Variants in USP43 observed in about 807,000 individuals in gnomAD.
The protein encoded by USP43 is ubiquitin carboxyl-terminal hydrolase 43.
A neutral mutation model predicts 90.7 loss-of-function variants in USP43; 33 were observed. That is an observed-to-expected ratio of 0.36 (90% CI 0.28 to 0.49). USP43 has a LOEUF of 0.49. Among genes scored for constraint, USP43 ranks in the 20% least tolerant of loss-of-function variants. USP43 has a pLI of 0.98. For synonymous variants in USP43, 598 were observed against 615.8 expected, an observed-to-expected ratio of 0.97 and a Z score of 0.43; for missense variants, 1,274 against 1,476.4, an observed-to-expected ratio of 0.86 and a Z score of 2.25.
Position 9,665,010 on chromosome 17 carries a change from C to T in USP43, c.637-1638C>T, listed in dbSNP as rs547776402. 1.6e-4 allele frequency among the ~76,000 whole-genome samples: 24 copies of T among 152,224 alleles called. 1 individual carries two copies. The highest frequency in any genetic ancestry group is 3.4e-3 in the Middle Eastern group (1 of 294). On this transcript the variant is annotated intron_variant, in intron 2 of 14. Transcript: ENST00000285199. ...GAGTGGCTTTGATTCTGGGATTGCC[C>T]TTAGGGACAGACCTCTTCCAGGGCA...
At chr17:9,687,004 T>C in intron 8 of USP43, 95 bp downstream of exon 8, 3 of 1,099,572 alleles carry the variant, frequency 2.7e-6, no homozygotes, top group Non-Finnish European at 4.0e-6. Flanking sequence ...GAATTTAGTG[T>C]AGCCCAGGAG....
chr17:9,681,266 G>T (rs1427949736), intron 6 of USP43, among the ~76,000 whole-genome samples: 30 of 89,756 alleles, frequency 3.3e-4, no homozygotes, highest in African/African-American at 1.3e-3. Context: ...TAATATATTT[G>T]ATATATATTT....
chr17:9,681,811 A>C (rs1045110921), intron 6 of USP43, among the ~76,000 whole-genome samples: 2 of 152,022 alleles, frequency 1.3e-5, no homozygotes, highest in African/African-American at 4.8e-5. Flanking sequence ...CCATATTTAA[A>C]GGACCCTGTG....
chr17:9,676,940 C>T, intron 5 of USP43, 59 bp downstream of exon 5: 1 of 1,572,592 alleles, frequency 6.4e-7, no homozygotes, highest in South Asian at 1.2e-5. Context: ...ACTGAGCCAG[C>T]TGTCTAGGCT....
At chr17:9,727,913 TA>T (rs1917353850) in intron 14 of USP43, 40 bp from the exon 15 acceptor site, 1 of 1,556,782 alleles carries the variant, frequency 6.4e-7, no homozygotes. Flanking sequence ...ATTTCAGCTG[TA>T]GGGTGGCTTG....
intron 9 of USP43, 55 bp downstream of exon 9, chr17:9,693,285 G>A: frequency 7.1e-7 from 1 of 1,408,460 alleles, no homozygotes; most frequent in Non-Finnish European, 9.9e-7. Context: ...TATTTTACCA[G>A]AGTCCTTTGA....
intron 2 of USP43, among the ~76,000 whole-genome samples, chr17:9,656,792 A>G (rs766421398): frequency 2.6e-5 from 4 of 152,244 alleles, no homozygotes; most frequent in Non-Finnish European, 5.9e-5. Flanking sequence ...GGCTCAAAAT[A>G]AGAAAAGTCT....
intron 14 of USP43, among the ~76,000 whole-genome samples, chr17:9,715,866 T>C (rs1916524248): frequency 2.0e-5 from 3 of 151,802 alleles, no homozygotes; most frequent in Admixed American, 2.0e-4. Context: ...TGTGTGTGTC[T>C]CTGTGTATCT....
intron 12 of USP43, among the ~76,000 whole-genome samples, chr17:9,702,198 CA>C (rs956217393): frequency 1.4e-5 from 2 of 146,702 alleles, no homozygotes; most frequent in African/African-American, 2.5e-5. Context: ...CCCGTCTCTA[CA>C]AAAAAAATGA....
At chr17:9,699,218 G>A (rs1167357760) in intron 9 of USP43, among the ~76,000 whole-genome samples, 1 of 152,180 alleles carries the variant, frequency 6.6e-6, no homozygotes, top group Non-Finnish European at 1.5e-5. Context: ...CTCCTCCTTT[G>A]GAAGGAGTGA....
At chr17:9,697,073 C>T (rs1915312093) in intron 9 of USP43, among the ~76,000 whole-genome samples, 1 of 152,140 alleles carries the variant, frequency 6.6e-6, no homozygotes, top group Non-Finnish European at 1.5e-5. Context: ...AAAAATTAGC[C>T]AGGCATGGTG....
In USP43 at chr17:9,728,880, TC is replaced by T; in HGVS notation, c.3263del (p.Ser1088TyrfsTer25). 1 of 1,613,944 alleles carries T rather than the reference TC, an allele frequency of 6.2e-7. No homozygotes were observed. On this transcript the variant is annotated frameshift_variant, in exon 15 of 15. Transcript: ENST00000285199. LOFTEE classifies it high-confidence loss of function. This position sits in a 1 kb window ranked among gnomAD's most constrained non-coding sequence, Gnocchi z 6.2. ...RAPRGSALGM[S>X]QRTVPGEQAS... Reference sequence around the variant, plus strand: ...CCCGAGAGGCAGTGCACTGGGCATGTCACAAAGGACTGTTCCAGGGGAGCAG... The same window carrying T: ...CCCGAGAGGCAGTGCACTGGGCATGTACAAAGGACTGTTCCAGGGGAGCAG...
chr17:9,655,574 A>G (rs544419419), intron 1 of USP43, among the ~76,000 whole-genome samples: 7 of 152,212 alleles, frequency 4.6e-5, no homozygotes, highest in Non-Finnish European at 7.3e-5. Context: ...ACACAATTTA[A>G]CAGAAGGACA....
intron 6 of USP43, among the ~76,000 whole-genome samples, chr17:9,681,213 CAT>C (rs1914198994): frequency 3.5e-4 from 17 of 48,814 alleles, no homozygotes; most frequent in African/African-American, 2.3e-3. Context: ...ATAATATATA[CAT>C]TATATAGAAT....
At position 9,727,676 on chromosome 17, in the gene USP43, G is replaced by A. The variant is rs76419991; in HGVS notation, c.2336-278G>A. Among the ~76,000 whole-genome samples, 1,190 of 152,268 alleles carry A rather than the reference G, an allele frequency of 7.8e-3. 14 individuals carry two copies. Among genetic ancestry groups the A allele is most frequent in the African/African-American group, 0.026 (1,089 of 41,538 alleles). On this transcript the variant is annotated intron_variant, in intron 14 of 14. Coordinates refer to ENST00000285199, the MANE Select transcript of USP43 (RefSeq NM_153210.5). Reference sequence around the variant, plus strand: ...CATTCTTAAGGCTAGATGCCCGTGAGACTGAGCTTTGCCAGGTGTCTGTGC... The same window carrying A: ...CATTCTTAAGGCTAGATGCCCGTGAAACTGAGCTTTGCCAGGTGTCTGTGC...
chr17:9,654,633 G>C (rs1414940804), intron 1 of USP43, among the ~76,000 whole-genome samples: 1 of 142,386 alleles, frequency 7.0e-6, no homozygotes, highest in Non-Finnish European at 1.5e-5. Flanking sequence ...TGGGCAACAA[G>C]AGTGAAACAC....
chr17:9,728,676 G>A lies in USP43; in HGVS notation c.3058G>A (p.Val1020Met). 6.2e-7 allele frequency: 1 copy of A among 1,612,862 alleles called. No individual in the cohort carries two copies. Among genetic ancestry groups the A allele is most frequent in the East Asian group, 2.2e-5 (1 of 44,838 alleles). Residue 1020 changes from valine to methionine, a missense_variant, in exon 15 of 15, where the codon GTG (valine) becomes ATG (methionine). By Grantham distance (21) the Val-to-Met change is conservative. This residue lies in a region of USP43 where 353 missense variants were observed against 329.7 expected (regional missense o/e 1.07). Coordinates refer to ENST00000285199, the MANE Select transcript of USP43 (RefSeq NM_153210.5). The surrounding 1 kb of genome is among the most constrained non-coding windows in gnomAD (Gnocchi z 6.2). ...RNERAEVSPQ[V>M]PPVSLVSGGL... ...TGAGAGGGCAGAGGTCTCTCCACAG[G>A]TGCCCCCCGTCTCCCTGGTGAGTGG...
chr17:9,648,951 C>G (rs1911661971), intron 1 of USP43, among the ~76,000 whole-genome samples: 10 of 151,352 alleles, frequency 6.6e-5, no homozygotes, highest in Admixed American at 6.6e-4. Flanking sequence ...CTCTCTCTCT[C>G]TCTCTCTCCC....
intron 8 of USP43, among the ~76,000 whole-genome samples, chr17:9,688,742 C>T (rs551555456): frequency 1.5e-3 from 232 of 151,824 alleles, no homozygotes; most frequent in Middle Eastern, 6.8e-3. Flanking sequence ...GCTGGAGTGC[C>T]GTGGTGCGGT....
Sources: allele counts gnomAD v4.1 joint callset (sites outside exome capture counted in the v4.1 genomes callset), GRCh38; gene constraint gnomAD v4.1.1; regional missense constraint gnomAD v4.1.1; non-coding constraint Gnocchi (gnomAD v3.1); transcripts MANE v1.5; gene names NCBI Gene and HGNC (gene_info 2026-07-23, HGNC 2026-07-21).